The following HELQ variants were observed in gnomAD, a reference collection of about 807,000 sequenced individuals.
The protein encoded by HELQ is helicase, POLQ like, also known as helicase POLQ-like.
In HELQ, 77 loss-of-function variants were observed where a neutral mutation model predicts 111.6. The ratio of observed to expected loss-of-function variants is 0.69; its 90% CI spans 0.57 to 0.83. The LOEUF is 0.83. Among genes scored for constraint, HELQ ranks in the 40% least tolerant of loss-of-function variants. The pLI is 0.00. For missense variants in HELQ, 1,200 were observed against 1,288.5 expected, an observed-to-expected ratio of 0.93 and a Z score of 1.05; for synonymous variants, 438 against 454.7, an observed-to-expected ratio of 0.96 and a Z score of 0.47.
At chr4:83,431,112 C>A (rs1045755360) in intron 11 of HELQ, among the ~76,000 whole-genome samples, 1 of 151,972 alleles carries the variant, frequency 6.6e-6, no homozygotes, top group African/African-American at 2.4e-5. Flanking sequence ...AAAGAAAAAA[C>A]AAACAAACAA....
rs1214252703 is a variant in HELQ at position 83,453,389 on chromosome 4, G to C, written c.854C>G (p.Ser285Cys). The change falls in exon 2 of 18, where the codon TCT becomes TGT. Residue 285 changes from serine (S) to cysteine (C), a missense_variant. Ser to Cys is a moderately radical substitution (Grantham distance 112). Transcript: ENST00000295488. ...AGTGTCTTTGAGCTGTTTACTTCTA[G>C]AAAATATTGGTGTCTGGGCCTTCGC... ...GNAKAQTPIFSRSKQLKDTLL... is the reference protein window; with the variant it reads ...GNAKAQTPIFCRSKQLKDTLL... 1.2e-6 allele frequency: 2 copies of C among 1,606,056 alleles called. No homozygotes were observed. Among genetic ancestry groups the C allele is most frequent in the African/African-American group, 2.7e-5 (2 of 74,252 alleles).
At chr4:83,411,585 C>T (rs1418428447) in intron 17 of HELQ, among the ~76,000 whole-genome samples, 1 of 151,030 alleles carries the variant, frequency 6.6e-6, no homozygotes, top group African/African-American at 2.4e-5. Flanking sequence ...GCCTGGGTGA[C>T]AGAGTCAGAC....
At chr4:83,430,539 ATTT>A (rs1362321277) in intron 11 of HELQ, among the ~76,000 whole-genome samples, 1 of 152,158 alleles carries the variant, frequency 6.6e-6, no homozygotes, top group Admixed American at 6.5e-5. Context: ...AATTAGAATA[ATTT>A]TTATTAGCCA....
chr4:83,435,550 A>G (rs1171484918), intron 9 of HELQ, among the ~76,000 whole-genome samples: 1 of 151,434 alleles, frequency 6.6e-6, no homozygotes, highest in African/African-American at 2.5e-5. Context: ...GTATTCTAAA[A>G]AGGATTACTC....
Position 83,455,589 on chromosome 4 carries a change from C to T in HELQ, c.105G>A (p.Val35=). Reference sequence around the variant, plus strand: ...CCTCCTCTTTCCCCTCATCTCCGGGCACGAGCTCGGCCGCGGTGGGAGCGC... The same window carrying T: ...CCTCCTCTTTCCCCTCATCTCCGGGTACGAGCTCGGCCGCGGTGGGAGCGC... ...IFGAPTAAEL[V]PGDEGKEEEE... The change falls in exon 1 of 18, where the codon GTG becomes GTA. Residue 35 remains valine, a synonymous_variant. Transcript: ENST00000295488. 6.2e-7 allele frequency: 1 copy of T among 1,614,168 alleles called. No individual in the cohort carries two copies. Among genetic ancestry groups the T allele is most frequent in the South Asian group, 1.1e-5 (1 of 91,086 alleles).
chr4:83,455,480 G>A lies in HELQ; in HGVS notation c.214C>T (p.Pro72Ser), dbSNP rs371456738. 2.5e-6 allele frequency: 4 copies of A among 1,614,056 alleles called. No individual in the cohort carries two copies. Among genetic ancestry groups the A allele is most frequent in the Non-Finnish European group, 3.4e-6 (4 of 1,180,044 alleles). ...EVQPLLLSDSPECLVLGGGDT... is the reference protein window; with the variant it reads ...EVQPLLLSDSSECLVLGGGDT... ...CCACCTCCAAGGACGAGACATTCCG[G>A]GGAATCTGAGAGTAGAAGGGGCTGT... is the stretch of plus-strand genomic sequence containing the variant. The change falls in exon 1 of 18, where the codon CCG (proline) becomes TCG (serine). Residue 72 changes from proline (P) to serine (S), a missense_variant. Coordinates refer to ENST00000295488, the MANE Select transcript of HELQ (RefSeq NM_133636.5).
At chr4:83,455,836 C>G (rs1184967820), upstream of HELQ, 18 of 861,314 alleles carry the variant, frequency 2.1e-5, no homozygotes, top group Non-Finnish European at 2.5e-5. Context: ...GGCTCGCGGA[C>G]CGGAAGCACG....
In HELQ at chr4:83,422,596, G is replaced by C. The variant is rs371555376; in HGVS notation, c.2776-860C>G. ...CACCAAGGACTGCCAGTAACCATCA[G>C]AAGCTAGGAAAGAGGCACGGATGGC... On this transcript the variant is annotated intron_variant, in intron 14 of 17. Transcript: ENST00000295488. Among the ~76,000 whole-genome samples the C allele has an allele frequency of 9.8e-5, 15 of 152,328 alleles. 1 individual carries two copies. Among genetic ancestry groups the C allele is most frequent in the Admixed American group, 8.5e-4 (13 of 15,304 alleles).
Position 83,437,087 on chromosome 4 carries a change from T to G in HELQ, c.1819A>C (p.Lys607Gln). The G allele has an allele frequency of 6.2e-7, 1 of 1,613,270 alleles. No individual in the cohort carries two copies. ...ICKFLSKEYL[K>Q]HKEKEKCEVI... The stretch of plus-strand genomic sequence containing the variant: ...TCACATTTTTCTTTCTCCTTATGTT[T>G]CAGATATTCCCTATGAAAAAGATCT... The change falls in exon 9 of 18, where the codon AAA (lysine) becomes CAA (glutamine). Residue 607 changes from lysine to glutamine, a missense_variant. Around this residue, in one of 3 missense-constraint regions of HELQ, gnomAD observed 585 missense variants for 665.3 expected, o/e 0.88. Transcript: ENST00000295488.
At position 83,441,358 on chromosome 4, in the gene HELQ, C is replaced by T. The variant is rs1720746804; in HGVS notation, c.1609G>A (p.Val537Ile). 6.3e-7 allele frequency: 1 copy of T among 1,593,554 alleles called. No homozygotes were observed. The highest frequency in any genetic ancestry group is 8.6e-7 in the Non-Finnish European group (1 of 1,164,688). Reference sequence around the variant, plus strand: ...ATGCCATTCTCAGCTTTGCTGTCAACTTCATATATTGTATCATTTATTTTC... The same window carrying T: ...ATGCCATTCTCAGCTTTGCTGTCAATTTCATATATTGTATCATTTATTTTC... ...YLKINDTIYEVDSKAENGMTF... is the reference protein window; with the variant it reads ...YLKINDTIYEIDSKAENGMTF... The change falls in exon 7 of 18, where the codon GTT becomes ATT. Residue 537 changes from valine to isoleucine, a missense_variant. By Grantham distance (29) the Val-to-Ile change is conservative. Transcript: ENST00000295488.
In HELQ at chr4:83,451,622, G is replaced by A. The variant is rs191574613; in HGVS notation, c.1012+1609C>T. On this transcript the variant is annotated intron_variant, in intron 2 of 17. Coordinates refer to ENST00000295488, the MANE Select transcript of HELQ (RefSeq NM_133636.5). ...CGGAGCTTGCAGTGAGCTGAGATGC[G>A]CCACTGCACTCCAGCCTGGGCAACA... 1.7e-3 allele frequency among the ~76,000 whole-genome samples: 258 copies of A among 151,286 alleles called. 2 individuals carry two copies. The highest frequency in any genetic ancestry group is 5.9e-3 in the African/African-American group (239 of 40,776).
rs190360856 is a variant in HELQ, at chr4:83,415,133, T to C, written c.3198+1598A>G. ...AGCAATTTCAGACTTAGAACCACAG[T>C]TGAGATCAAGAAGGAAACAATCTCA... On this transcript the variant is annotated intron_variant, in intron 17 of 17. Transcript: ENST00000295488. Among the ~76,000 whole-genome samples, 200 of 152,236 alleles carry C rather than the reference T, an allele frequency of 1.3e-3. 1 individual carries two copies. Among genetic ancestry groups the C allele is most frequent in the African/African-American group, 4.6e-3 (192 of 41,552 alleles).
intron 2 of HELQ, among the ~76,000 whole-genome samples, chr4:83,452,993 T>C (rs1272039176): frequency 1.3e-5 from 2 of 151,718 alleles, no homozygotes; most frequent in African/African-American, 2.4e-5. Context: ...AGAGGAATTA[T>C]GTCAGGTAAG....
At chr4:83,445,992 C>A (rs769252045) in intron 5 of HELQ, 22 bp downstream of exon 5, 11 of 1,455,918 alleles carry the variant, frequency 7.6e-6, no homozygotes, top group Admixed American at 5.0e-5. Flanking sequence ...CAATTCATGA[C>A]CTCATTTGAA....
chr4:83,447,429 T>C (rs912758229), intron 3 of HELQ, among the ~76,000 whole-genome samples: 4 of 152,016 alleles, frequency 2.6e-5, no homozygotes, highest in Admixed American at 1.3e-4. Flanking sequence ...AAAGCTAAAG[T>C]AGTGTTTAAT....
Position 83,453,547 on chromosome 4 carries a change from A to G in HELQ, c.696T>C (p.Asn232=). ...CTATGCAATTATGGGGCAGTTCCTC[A>G]TTCACAGTGTTGTGAGAGGATGACT... The part of the protein sequence containing the change: ...DWKSSSHNTV[N]EELPHNCIEQ... The change falls in exon 2 of 18, where the codon AAT becomes AAC. Residue 232 remains asparagine (N), a synonymous_variant. Transcript: ENST00000295488. 1 of 1,613,652 alleles carries G rather than the reference A, an allele frequency of 6.2e-7. No individual in the cohort carries two copies. Among genetic ancestry groups the G allele is most frequent in the East Asian group, 2.2e-5 (1 of 44,876 alleles).
intron 11 of HELQ, among the ~76,000 whole-genome samples, chr4:83,430,296 ATAAAT>A (rs2109986128): frequency 6.9e-6 from 1 of 144,108 alleles, no homozygotes; most frequent in Admixed American, 7.3e-5. Flanking sequence ...AAAAAACAAA[ATAAAT>A]TAAAAAAAGA....
intron 11 of HELQ, among the ~76,000 whole-genome samples, chr4:83,431,233 T>G (rs1237173434): frequency 6.6e-6 from 1 of 151,786 alleles, no homozygotes; most frequent in East Asian, 1.9e-4. Flanking sequence ...CTAACCAACA[T>G]AGCAAGACCC....
Position 83,440,028 on chromosome 4 carries a change from A to T in HELQ, c.1663-20T>A, listed in dbSNP as rs778136208. On this transcript the variant is annotated intron_variant, in intron 7 of 17. Coordinates refer to ENST00000295488, the MANE Select transcript of HELQ (RefSeq NM_133636.5). Reference sequence around the variant, plus strand: ...AGAATACTGCAAAACAACAAGATGTAGGAACAAAGTGGTTAGTAAACATGA... The same window carrying T: ...AGAATACTGCAAAACAACAAGATGTTGGAACAAAGTGGTTAGTAAACATGA... 1.3e-6 allele frequency: 2 copies of T among 1,597,260 alleles called. No individual in the cohort carries two copies. Among genetic ancestry groups the T allele is most frequent in the South Asian group, 1.2e-5 (1 of 86,838 alleles).
Sources: allele counts gnomAD v4.1 joint callset (sites outside exome capture counted in the v4.1 genomes callset), GRCh38; gene constraint gnomAD v4.1.1; regional missense constraint gnomAD v4.1.1; transcripts MANE v1.5; gene names NCBI Gene and HGNC (gene_info 2026-07-23, HGNC 2026-07-21).